SYTL2: variants seen among roughly 807,000 people sequenced by gnomAD.
The protein encoded by SYTL2 is synaptotagmin-like protein 2.
SYTL2 carries 165 observed loss-of-function variants against 198.7 expected under a neutral mutation model. The ratio of observed to expected loss-of-function variants is 0.83; its 90% CI spans 0.73 to 0.94. The LOEUF is 0.94. SYTL2 is among the 40% of genes least tolerant of loss of function. The pLI is 0.00. For missense variants in SYTL2, 2,835 were observed against 2,582.8 expected (o/e 1.10, Z -2.12); for synonymous variants, 966 against 917.7 (o/e 1.05, Z -0.95).
chr11:85,770,803 C>T (rs77578633), intron 1 of SYTL2, among the ~76,000 whole-genome samples: 2,913 of 152,282 alleles, frequency 0.019, 55 homozygotes, highest in Admixed American at 0.036. Context: ...AATACCCCTA[C>T]CACAAGCAGG....
chr11:85,806,413 T>C (rs548048852), intron 1 of SYTL2, among the ~76,000 whole-genome samples: 3 of 152,226 alleles, frequency 2.0e-5, no homozygotes, highest in Non-Finnish European at 4.4e-5. Context: ...AAAAATACTG[T>C]ATGTAGTGAC....
chr11:85,736,828 T>C (rs1053379342), intron 5 of SYTL2, among the ~76,000 whole-genome samples: 1 of 152,132 alleles, frequency 6.6e-6, no homozygotes, highest in Non-Finnish European at 1.5e-5. Context: ...AAAGCCAGAG[T>C]CCTACAAAGT....
intron 1 of SYTL2, among the ~76,000 whole-genome samples, chr11:85,765,766 C>T (rs1285010371): frequency 6.6e-6 from 1 of 152,162 alleles, no homozygotes; most frequent in African/African-American, 2.4e-5. Flanking sequence ...CCTTATCTGA[C>T]AATTCCCCCT....
chr11:85,760,524 A>C (rs2092068179), intron 1 of SYTL2, among the ~76,000 whole-genome samples: 1 of 152,200 alleles, frequency 6.6e-6, no homozygotes, highest in South Asian at 2.1e-4. Flanking sequence ...CACGTGCAGT[A>C]ACTTCCTTAG....
At chr11:85,720,319 C>T in intron 9 of SYTL2, among the ~76,000 whole-genome samples, 1 of 152,172 alleles carries the variant, frequency 6.6e-6, no homozygotes. Context: ...AATGTGGTCC[C>T]TTCATAAATG....
chr11:85,763,201 A>G (rs765720990), intron 1 of SYTL2, among the ~76,000 whole-genome samples: 5 of 152,230 alleles, frequency 3.3e-5, no homozygotes, highest in Admixed American at 6.5e-5. Flanking sequence ...GTGAGAATTC[A>G]GGACACCGCA....
At chr11:85,846,789 A>G in the SYTL2 span, among the ~76,000 whole-genome samples, 1 of 145,660 alleles carries the variant, frequency 6.9e-6, no homozygotes, top group South Asian at 2.2e-4. Flanking sequence ...TGGAGTGTGC[A>G]GTGGCACAGT....
In SYTL2 at chr11:85,734,385, T is replaced by C. The variant is rs1191925858; in HGVS notation, c.944A>G (p.Glu315Gly). ...GGAAGAGTTGTCTTCTAAAGAATGCTCCTTCTCAGAAATTCTCTCATGGAT... is the reference window on the plus strand; with the variant it reads ...GGAAGAGTTGTCTTCTAAAGAATGCCCCTTCTCAGAAATTCTCTCATGGAT... ...LTIHERISEKEHSLEDNSSPN... is the reference protein window; with the variant it reads ...LTIHERISEKGHSLEDNSSPN... Residue 315 changes from glutamate to glycine, a missense_variant, in exon 7 of 20, where the codon GAG becomes GGG. Physicochemically the swap from Glu to Gly is moderately conservative, Grantham distance 98. Transcript: ENST00000359152. The C allele has an allele frequency of 9.3e-6, 15 of 1,614,096 alleles. No individual in the cohort carries two copies. The highest frequency in any genetic ancestry group is 1.3e-5 in the Non-Finnish European group (15 of 1,180,032).
intron 2 of SYTL2, among the ~76,000 whole-genome samples, chr11:85,753,424 G>A (rs1434484969): frequency 6.6e-6 from 1 of 152,054 alleles, no homozygotes; most frequent in East Asian, 1.9e-4. Context: ...AAAAGACAGT[G>A]TGGTAGCAAC....
intron 1 of SYTL2, among the ~76,000 whole-genome samples, chr11:85,768,916 A>C (rs1290203611): frequency 1.3e-5 from 2 of 152,176 alleles, no homozygotes; most frequent in Non-Finnish European, 1.5e-5. Flanking sequence ...CTGGTTCTGC[A>C]GTAACAGCCC....
In SYTL2 at chr11:85,786,212, T is replaced by C. The variant is rs181996772; in HGVS notation, c.-390+24742A>G. Among the ~76,000 whole-genome samples the C allele has an allele frequency of 1.9e-3, 284 of 152,198 alleles. 1 individual carries two copies. Among genetic ancestry groups the C allele is most frequent in the Non-Finnish European group, 2.8e-3 (189 of 68,010 alleles). On this transcript the variant is annotated intron_variant, in intron 1 of 19. Coordinates refer to ENST00000359152, the MANE Select transcript of SYTL2 (RefSeq NM_206927.4). ...TCTTGAAATGGCAAAATTATAGAAA[T>C]GAAGAACAGATTAGTGGTTGATAGG...
intron 4 of SYTL2, 151 bp from the exon 5 acceptor site, chr11:85,737,807 A>C: frequency 1.5e-6 from 1 of 674,520 alleles, no homozygotes. Flanking sequence ...TCCCTATCCC[A>C]GGGACAGGAC....
chr11:85,725,235 G>C lies in SYTL2; in HGVS notation c.4123C>G (p.Gln1375Glu). Residue 1375 changes from glutamine (Q) to glutamate (E), a missense_variant, in exon 8 of 20, where the codon CAG becomes GAG. This residue lies in a region of SYTL2 where 2,645 missense variants were observed against 2,381.7 expected (regional missense o/e 1.11). Transcript: ENST00000359152. ...AACCATACTTCTCCACACAGCTTCT[G>C]TAATGCAGCACTTACATCATTCAAT... ...PVLNDVSAALQKLCGEVWLSY... is the reference protein window; with the variant it reads ...PVLNDVSAALEKLCGEVWLSY... The C allele has an allele frequency of 6.2e-7, 1 of 1,614,134 alleles. No individual in the cohort carries two copies. Among genetic ancestry groups the C allele is most frequent in the Non-Finnish European group, 8.5e-7 (1 of 1,180,008 alleles).
chr11:85,740,765 TTTG>T (rs1339939626), intron 4 of SYTL2, among the ~76,000 whole-genome samples: 1 of 152,266 alleles, frequency 6.6e-6, no homozygotes, highest in African/African-American at 2.4e-5. Context: ...ATTAGTTTAC[TTTG>T]TTAAGAAGAT....
the SYTL2 span, among the ~76,000 whole-genome samples, chr11:85,849,509 G>A: frequency 1.3e-5 from 2 of 152,166 alleles, no homozygotes; most frequent in African/African-American, 4.8e-5. Context: ...TTCTACATAC[G>A]GCTAGCCAGT....
rs114519485 is a variant in SYTL2, at chr11:85,704,955, C to A, written c.6092G>T (p.Arg2031Leu). 5.6e-6 allele frequency: 9 copies of A among 1,613,466 alleles called. No homozygotes were observed. Among genetic ancestry groups the A allele is most frequent in the African/African-American group, 2.7e-5 (2 of 74,906 alleles). Residue 2031 changes from arginine to leucine, a missense_variant, in exon 16 of 20, where the codon CGC (arginine) becomes CTC (leucine). By Grantham distance (102) the Arg-to-Leu change is moderately radical. Around this residue, in one of 3 missense-constraint regions of SYTL2, gnomAD observed 2,645 missense variants for 2,381.7 expected, o/e 1.11. Coordinates refer to ENST00000359152, the MANE Select transcript of SYTL2 (RefSeq NM_206927.4). ...TTCCACCTCCCCTAGGAAACTATTGCGCTTAAATGTATCCCGATGCCAAAT... is the reference window on the plus strand; with the variant it reads ...TTCCACCTCCCCTAGGAAACTATTGAGCTTAAATGTATCCCGATGCCAAAT... ...LSIWHRDTFK[R>L]NSFLGEVELD...
chr11:85,772,574 CCTTCA>C (rs2092377453), intron 1 of SYTL2, among the ~76,000 whole-genome samples: 1 of 152,198 alleles, frequency 6.6e-6, no homozygotes, highest in African/African-American at 2.4e-5. Context: ...TCCAGAAGGA[CCTTCA>C]CTATGCGTAT....
intron 13 of SYTL2, among the ~76,000 whole-genome samples, chr11:85,710,694 T>C (rs2086098674): frequency 6.6e-6 from 1 of 152,198 alleles, no homozygotes; most frequent in Non-Finnish European, 1.5e-5. Flanking sequence ...TTACCTCTCA[T>C]ATTCTTTCAT....
chr11:85,835,230 C>T, the SYTL2 span, among the ~76,000 whole-genome samples: 1 of 152,124 alleles, frequency 6.6e-6, no homozygotes. Context: ...AATTCCAGCA[C>T]TGCTTATTAA....
Sources: allele counts gnomAD v4.1 joint callset (sites outside exome capture counted in the v4.1 genomes callset), GRCh38; gene constraint gnomAD v4.1.1; regional missense constraint gnomAD v4.1.1; transcripts MANE v1.5; gene names NCBI Gene and HGNC (gene_info 2026-07-23, HGNC 2026-07-21).